INSL6: variants seen among roughly 807,000 people sequenced by gnomAD.
INSL6 encodes the protein insulin-like peptide INSL6.
INSL6 carries 16 observed loss-of-function variants against 9.4 expected under a neutral mutation model. The ratio of observed to expected loss-of-function variants is 1.70; its 90% confidence interval spans 1.15 to 2.59. The LOEUF is 2.59. Ranked by LOEUF, INSL6 falls within the 30% of genes most tolerant of loss-of-function variation. The pLI is 0.00. For synonymous variants in INSL6, 154 were observed against 96.9 expected (o/e 1.59, Z -3.46); for missense variants, 391 against 257.3 (o/e 1.52, Z -3.56).
At chr9:5,030,166 AAACAAAATCACAGTGGCCTTTATT>A in the INSL6 span, among the ~76,000 whole-genome samples, 1 of 152,202 alleles carries the variant, frequency 6.6e-6, no homozygotes, top group African/African-American at 2.4e-5. Flanking sequence ...TTAAATAAGT[AAACAAAATCACAGTGGCCTTTATT>A]AACAAAATCC....
chr9:5,108,496 A>G, the INSL6 span: 22 of 152,202 alleles, frequency 1.4e-4, 1 homozygote, highest in East Asian at 1.5e-3. Flanking sequence ...TCCTTATCCA[A>G]TAATCTTATA....
chr9:5,078,259 G>A, the INSL6 span: 1 of 1,517,394 alleles, frequency 6.6e-7, no homozygotes, highest in Non-Finnish European at 9.0e-7. Context: ...AAATGCTCCA[G>A]TACTTGTGGA....
the INSL6 span, among the ~76,000 whole-genome samples, chr9:5,038,172 A>T: frequency 1.4e-3 from 214 of 152,318 alleles, 1 homozygote; most frequent in African/African-American, 4.9e-3. Flanking sequence ...CAGTGTTTTT[A>T]ATGCCAACAA....
At chr9:5,093,944 C>T in the INSL6 span, among the ~76,000 whole-genome samples, 3 of 152,008 alleles carry the variant, frequency 2.0e-5, no homozygotes, top group African/African-American at 4.8e-5. Flanking sequence ...GAAATACGGC[C>T]CACTTCATAA....
chr9:5,136,940 A>G (rs1266670072), intron 2 of INSL6, among the ~76,000 whole-genome samples: 2 of 152,240 alleles, frequency 1.3e-5, no homozygotes, highest in African/African-American at 4.8e-5. Context: ...ATACAAAATC[A>G]ATGTGCAAAA....
At chr9:5,135,296 G>A (rs922420176) in intron 2 of INSL6, among the ~76,000 whole-genome samples, 29 of 152,144 alleles carry the variant, frequency 1.9e-4, no homozygotes, top group Admixed American at 1.6e-3. Context: ...AATTAACAAG[G>A]ATATCCAGGA....
chr9:5,078,505 G>A, the INSL6 span: 3 of 1,280,966 alleles, frequency 2.3e-6, no homozygotes. Context: ...TGGTGTAAAG[G>A]GCATGTTGTT....
At chr9:5,033,806 T>C in the INSL6 span, among the ~76,000 whole-genome samples, 1 of 152,036 alleles carries the variant, frequency 6.6e-6, no homozygotes, top group African/African-American at 2.4e-5. Flanking sequence ...GTAAAGACCA[T>C]CGAGGCTAGG....
chr9:5,051,157 T>TA, the INSL6 span, among the ~76,000 whole-genome samples: 2 of 152,138 alleles, frequency 1.3e-5, no homozygotes, highest in African/African-American at 4.8e-5. Context: ...CAACCTATAA[T>TA]AAAAAATCAT....
intron 1 of INSL6, among the ~76,000 whole-genome samples, chr9:5,185,112 C>T (rs1349442876): frequency 6.6e-6 from 1 of 151,862 alleles, no homozygotes; most frequent in African/African-American, 2.4e-5. Context: ...TACAAGTGTA[C>T]ATTTATTTCC....
intron 2 of INSL6, among the ~76,000 whole-genome samples, chr9:5,156,518 C>G (rs373300024): frequency 6.6e-6 from 1 of 151,932 alleles, no homozygotes; most frequent in African/African-American, 2.4e-5. Flanking sequence ...AAGCATTGGA[C>G]AACATTCAAC....
At chr9:5,150,846 G>GACAC (rs59479266) in intron 2 of INSL6, among the ~76,000 whole-genome samples, 4,860 of 146,348 alleles carry the variant, frequency 0.033, 220 homozygotes, top group African/African-American at 0.1. Context: ...GGATAAAGGA[G>GACAC]ACACACACAC....
intron 1 of INSL6, among the ~76,000 whole-genome samples, chr9:5,175,869 T>C (rs1392484836): frequency 6.6e-6 from 1 of 152,160 alleles, no homozygotes. Context: ...TTCTACATTA[T>C]GGTAAATTGT....
the INSL6 span, among the ~76,000 whole-genome samples, chr9:5,079,574 C>T: frequency 6.6e-6 from 1 of 151,760 alleles, no homozygotes; most frequent in African/African-American, 2.4e-5. Flanking sequence ...TGTAACATTA[C>T]CTTTACTACT....
the INSL6 span, among the ~76,000 whole-genome samples, chr9:5,083,227 C>G: frequency 6.6e-6 from 1 of 152,130 alleles, no homozygotes; most frequent in Non-Finnish European, 1.5e-5. Context: ...TGCTTAGGGT[C>G]TAGGATTTTG....
chr9:5,022,709 C>T, the INSL6 span, among the ~76,000 whole-genome samples: 1 of 152,076 alleles, frequency 6.6e-6, no homozygotes, highest in Non-Finnish European at 1.5e-5. Flanking sequence ...ACTCTTGAGA[C>T]CTGATTATAT....
chr9:5,012,965 G>T, the INSL6 span, among the ~76,000 whole-genome samples: 1 of 152,120 alleles, frequency 6.6e-6, no homozygotes, highest in Non-Finnish European at 1.5e-5. Context: ...GCTGTTTAGT[G>T]TATGATGGTA....
At chr9:5,081,763 A>G in the INSL6 span, 1 of 1,601,752 alleles carries the variant, frequency 6.2e-7, no homozygotes, top group Non-Finnish European at 8.6e-7. Context: ...GTTACCAAAT[A>G]TGAGGATAGG....
intron 2 of INSL6, among the ~76,000 whole-genome samples, chr9:5,142,926 G>A (rs1824531668): frequency 6.6e-6 from 1 of 152,010 alleles, no homozygotes. Flanking sequence ...AAATTTTCTT[G>A]AAAGCCTTTT....
Sources: gnomAD v4.1 joint callset for allele counts (sites outside exome capture counted in the v4.1 genomes callset) on GRCh38, gnomAD v4.1.1 for gene constraint, MANE v1.5 for transcripts, NCBI Gene and HGNC (gene_info 2026-07-23, HGNC 2026-07-21) for gene names.